Variants in RNLS observed in about 807,000 individuals in gnomAD.
RNLS encodes renalase.
Under a neutral mutation model 39.8 loss-of-function variants are expected in RNLS, and 39 were observed. The ratio of observed to expected loss-of-function variants is 0.98; its 90% CI spans 0.76 to 1.28. The LOEUF is 1.28. RNLS is among the 50% of genes most tolerant of loss of function. The pLI is 0.00. For missense variants in RNLS, 410 were observed against 413.3 expected, an observed-to-expected ratio of 0.99 and a Z score of 0.07; for synonymous variants, 147 against 150.7, an observed-to-expected ratio of 0.98 and a Z score of 0.18.
At position 88,284,548 on chromosome 10, in the gene RNLS, A is replaced by G; in HGVS notation, c.*806T>C. 1.0e-6 allele frequency: 1 copy of G among 985,356 alleles called. No homozygotes were observed. The highest frequency in any genetic ancestry group is 1.7e-5 in the African/African-American group (1 of 57,346). 61.0% of individuals were successfully genotyped at this position (985,356 alleles called of 1,614,324 possible). A position where few individuals can be genotyped will look rare whatever the true frequency, so the allele number is the denominator to read the frequency against. The stretch of plus-strand genomic sequence containing the variant: ...AATTTTTTGTTGTGTTAAATTCATT[A>G]AACTCGACACAGTCTAAATGCCACA... On this transcript the variant is annotated 3_prime_UTR_variant, in exon 7 of 7. Coordinates refer to ENST00000331772, the MANE Select transcript of RNLS (RefSeq NM_001031709.3).
At chr10:88,554,454 G>C (rs1848752655) in intron 4 of RNLS, among the ~76,000 whole-genome samples, 1 of 151,704 alleles carries the variant, frequency 6.6e-6, no homozygotes, top group African/African-American at 2.4e-5. Context: ...AATTTGAATT[G>C]AGTCTTAGTG....
intron 4 of RNLS, among the ~76,000 whole-genome samples, chr10:88,487,670 G>T (rs913408274): frequency 2.7e-5 from 4 of 150,120 alleles, no homozygotes; most frequent in African/African-American, 1.0e-4. Flanking sequence ...AAAATAATTT[G>T]ACAATTTCTT....
rs1319998446 is a variant in RNLS at position 88,275,008 on chromosome 10, C to A, written c.901G>T (p.Gly301Ter). The A allele has an allele frequency of 6.2e-7, 1 of 1,613,370 alleles. No homozygotes were observed. ...ATCATCCAGGGGCTCTTCGCACATCCTAGAATCACACCAGCACTTGGTACC... is the reference window on the plus strand; with the variant it reads ...ATCATCCAGGGGCTCTTCGCACATCATAGAATCACACCAGCACTTGGTACC... Residue 301 changes from glycine (G) to a stop codon, truncating the protein, a stop_gained, in exon 7 of 7, where the codon GGA becomes TGA. Transcript: ENST00000371947. LOFTEE classifies it high-confidence loss of function.
chr10:88,264,988 G>C, the RNLS span, among the ~76,000 whole-genome samples: 2 of 152,122 alleles, frequency 1.3e-5, no homozygotes, highest in Non-Finnish European at 2.9e-5. Flanking sequence ...TTAAGTCTTT[G>C]ATCCTTCTTG....
chr10:88,517,412 C>T (rs1487713417), intron 4 of RNLS, among the ~76,000 whole-genome samples: 1 of 151,844 alleles, frequency 6.6e-6, no homozygotes, highest in African/African-American at 2.4e-5. Flanking sequence ...GAGAACATAT[C>T]TAAAAGGTTT....
chr10:88,365,895 C>T (rs1850059248), intron 4 of RNLS, among the ~76,000 whole-genome samples: 1 of 152,068 alleles, frequency 6.6e-6, no homozygotes, highest in South Asian at 2.1e-4. Context: ...ATTTTATTCT[C>T]TTAGTTTCCA....
chr10:88,504,974 T>A (rs1322268487), intron 4 of RNLS, among the ~76,000 whole-genome samples: 2 of 151,852 alleles, frequency 1.3e-5, no homozygotes, highest in Non-Finnish European at 2.9e-5. Flanking sequence ...AAACCCGTGG[T>A]GCTGCATTTG....
the RNLS span, among the ~76,000 whole-genome samples, chr10:88,182,960 T>G: frequency 6.6e-6 from 1 of 152,112 alleles, no homozygotes; most frequent in African/African-American, 2.4e-5. Context: ...CCAGTTGTGT[T>G]TTTTTGGGGA....
At chr10:88,497,649 T>C (rs537992449) in intron 4 of RNLS, among the ~76,000 whole-genome samples, 1 of 152,174 alleles carries the variant, frequency 6.6e-6, no homozygotes, top group African/African-American at 2.4e-5. Context: ...GATGTGGTCA[T>C]TACAAAGAAA....
the RNLS span, among the ~76,000 whole-genome samples, chr10:88,210,932 T>G: frequency 2.0e-5 from 3 of 152,102 alleles, no homozygotes; most frequent in African/African-American, 7.2e-5. Context: ...GGCCTATGTG[T>G]GGTTTTGAGG....
the RNLS span, among the ~76,000 whole-genome samples, chr10:88,206,211 A>G: frequency 1.3e-5 from 2 of 152,184 alleles, no homozygotes; most frequent in Non-Finnish European, 2.9e-5. Context: ...CACACATTGC[A>G]CATTCTGAAT....
intron 4 of RNLS, among the ~76,000 whole-genome samples, chr10:88,433,390 AT>A (rs1855257297): frequency 6.6e-6 from 1 of 152,072 alleles, no homozygotes; most frequent in African/African-American, 2.4e-5. Flanking sequence ...TGGTTTCATC[AT>A]TTGATCACTT....
chr10:88,347,138 G>A (rs1167484205), intron 5 of RNLS, among the ~76,000 whole-genome samples: 1 of 152,102 alleles, frequency 6.6e-6, no homozygotes, highest in South Asian at 2.1e-4. Context: ...TGTGATTTAC[G>A]CAGTTTTATG....
chr10:88,230,188 T>C, the RNLS span, among the ~76,000 whole-genome samples: 3 of 152,088 alleles, frequency 2.0e-5, no homozygotes, highest in African/African-American at 7.2e-5. Flanking sequence ...CTGTTAGAAA[T>C]GAGGAAGGGA....
At chr10:88,250,655 C>A in the RNLS span, among the ~76,000 whole-genome samples, 1 of 152,108 alleles carries the variant, frequency 6.6e-6, no homozygotes, top group Non-Finnish European at 1.5e-5. Context: ...TTAAGTGTTG[C>A]AAATTAACTA....
At chr10:88,424,504 G>A (rs1854597230) in intron 4 of RNLS, among the ~76,000 whole-genome samples, 1 of 152,042 alleles carries the variant, frequency 6.6e-6, no homozygotes, top group East Asian at 1.9e-4. Flanking sequence ...CATGCAAACT[G>A]AGCTGAAGTA....
At chr10:88,430,466 T>A (rs567933802) in intron 4 of RNLS, among the ~76,000 whole-genome samples, 62 of 151,920 alleles carry the variant, frequency 4.1e-4, no homozygotes, top group African/African-American at 1.4e-3. Context: ...TCCTTTCCAA[T>A]CTGGATACTT....
chr10:88,446,712 G>C (rs568627814), intron 4 of RNLS, among the ~76,000 whole-genome samples: 2 of 151,870 alleles, frequency 1.3e-5, no homozygotes, highest in South Asian at 2.1e-4. Flanking sequence ...CACAACAAAA[G>C]AAGAGAATTT....
At chr10:88,486,114 A>G (rs1277911260) in intron 4 of RNLS, among the ~76,000 whole-genome samples, 1 of 152,096 alleles carries the variant, frequency 6.6e-6, no homozygotes, top group Non-Finnish European at 1.5e-5. Flanking sequence ...AAAACAACCA[A>G]TGGGGAAAGG....
Sources: gnomAD v4.1 joint callset for allele counts (sites outside exome capture counted in the v4.1 genomes callset) on GRCh38, gnomAD v4.1.1 for gene constraint, MANE v1.5 for transcripts, NCBI Gene and HGNC (gene_info 2026-07-23, HGNC 2026-07-21) for gene names.